ZP3: variants seen among roughly 807,000 people sequenced by gnomAD.
ZP3 encodes zona pellucida glycoprotein 3.
A neutral mutation model predicts 35.6 loss-of-function variants in ZP3; 21 were observed. That is an observed-to-expected ratio of 0.59 (90% CI 0.42 to 0.85). The LOEUF is 0.85. Ranked by LOEUF, ZP3 falls within the 40% of genes least tolerant of loss-of-function variation. The pLI is 0.00. For synonymous variants in ZP3, 207 were observed against 214.5 expected, an observed-to-expected ratio of 0.96 and a Z score of 0.31; for missense variants, 437 against 536.5, an observed-to-expected ratio of 0.81 and a Z score of 1.83.
rs117825978 is a variant in ZP3, at chr7:76,412,023, A to G, written c.-66-13029A>G. Among the ~76,000 whole-genome samples, 18 of 151,968 alleles carry G rather than the reference A, an allele frequency of 1.2e-4. No homozygotes were observed. The East Asian group carries it at 2.5e-3, about 21-fold the overall frequency. On this transcript the variant is annotated intron_variant, in intron 1 of 8. Transcript: ENST00000336517. ...TCCTGGGAAACACAGTGAGACTCCAACTCTACAAAAATAAAATAATTAGCC... is the reference window on the plus strand; with the variant it reads ...TCCTGGGAAACACAGTGAGACTCCAGCTCTACAAAAATAAAATAATTAGCC...
intron 1 of ZP3, among the ~76,000 whole-genome samples, chr7:76,413,679 T>A (rs897293298): frequency 6.6e-6 from 1 of 152,214 alleles, no homozygotes; most frequent in African/African-American, 2.4e-5. Flanking sequence ...TTTATTCATT[T>A]ATTTTTTGAG....
chr7:76,423,407 A>G (rs1257284500), upstream of ZP3, among the ~76,000 whole-genome samples: 1 of 152,164 alleles, frequency 6.6e-6, no homozygotes, highest in Non-Finnish European at 1.5e-5. Flanking sequence ...TGCCATGGTT[A>G]TCTTGAGTTA....
At chr7:76,406,645 A>G (rs2115815769) in intron 1 of ZP3, among the ~76,000 whole-genome samples, 1 of 151,782 alleles carries the variant, frequency 6.6e-6, no homozygotes, top group South Asian at 2.1e-4. Flanking sequence ...CACCACACCC[A>G]GCTAATTATT....
intron 1 of ZP3, among the ~76,000 whole-genome samples, chr7:76,417,156 C>A (rs1238132207): frequency 6.6e-6 from 1 of 151,804 alleles, no homozygotes; most frequent in African/African-American, 2.4e-5. Context: ...CTCCCAGGTT[C>A]ACGCGATTCT....
At chr7:76,430,050 C>T (rs1031982385) in intron 2 of ZP3, among the ~76,000 whole-genome samples, 1 of 151,834 alleles carries the variant, frequency 6.6e-6, no homozygotes, top group African/African-American at 2.4e-5. Flanking sequence ...GGTGAAACCC[C>T]ATCTCTACTA....
upstream of ZP3, among the ~76,000 whole-genome samples, chr7:76,424,201 C>T (rs572662259): frequency 6.6e-6 from 1 of 152,324 alleles, no homozygotes; most frequent in African/African-American, 2.4e-5. Context: ...CCTTGCCGGG[C>T]TGCGAGCTTC....
chr7:76,405,478 G>A (rs1804996274), intron 1 of ZP3, among the ~76,000 whole-genome samples: 2 of 148,876 alleles, frequency 1.3e-5, no homozygotes, highest in South Asian at 4.2e-4. Context: ...CACCGTGCCA[G>A]CCCAGAACAT....
At chr7:76,404,500 G>A (rs1804936554) in intron 1 of ZP3, 1 of 1,611,874 alleles carries the variant, frequency 6.2e-7, no homozygotes, top group African/African-American at 1.3e-5. Flanking sequence ...GTCACAGTTG[G>A]AACATCTGAA....
intron 1 of ZP3, among the ~76,000 whole-genome samples, chr7:76,403,368 C>T (rs1336663598): frequency 4.0e-5 from 5 of 124,232 alleles, no homozygotes; most frequent in Non-Finnish European, 9.4e-5. Context: ...GACAGAGTCT[C>T]GCCCTGTCAC....
chr7:76,397,592 A>G, exon 1 of ZP3: 1 of 1,611,286 alleles, frequency 6.2e-7, no homozygotes, highest in Non-Finnish European at 8.5e-7. Context: ...GCAGGCTGCC[A>G]GGCGGGGCTC....
rs1563692978 is a variant in ZP3 at position 76,416,966 on chromosome 7, AT to A, written c.-66-8085del. 3.0e-3 allele frequency among the ~76,000 whole-genome samples: 370 copies of A among 124,510 alleles called. 8 individuals carry two copies. The highest frequency in any genetic ancestry group is 3.1e-3 in the East Asian group (12 of 3,900). The allele number at this position is 124,510 out of a possible 152,430, so 81.7% of individuals were successfully genotyped here. On this transcript the variant is annotated intron_variant, in intron 1 of 8. Transcript: ENST00000336517. Reference sequence around the variant, plus strand: ...CATACATATATATATATATATATATATATATATAATTTGGCATTTAATGATG... The same window carrying A: ...CATACATATATATATATATATATATAATATATAATTTGGCATTTAATGATG...
chr7:76,436,596 G>C (rs1177097339), intron 5 of ZP3, among the ~76,000 whole-genome samples: 1 of 152,214 alleles, frequency 6.6e-6, no homozygotes, highest in Non-Finnish European at 1.5e-5. Context: ...CAGATCAGTA[G>C]GGTAGCAAAA....
At chr7:76,419,429 A>G (rs978495789) in intron 1 of ZP3, among the ~76,000 whole-genome samples, 1 of 152,108 alleles carries the variant, frequency 6.6e-6, no homozygotes, top group Non-Finnish European at 1.5e-5. Context: ...TGAAGAGTCC[A>G]TCTGTTTCCT....
intron 5 of ZP3, among the ~76,000 whole-genome samples, chr7:76,436,376 A>G (rs1806014002): frequency 6.6e-6 from 1 of 151,970 alleles, no homozygotes; most frequent in South Asian, 2.1e-4. Context: ...TCCTCCATCT[A>G]CTGACCTACC....
upstream of ZP3, among the ~76,000 whole-genome samples, chr7:76,422,220 T>C (rs1805519777): frequency 6.6e-6 from 1 of 151,820 alleles, no homozygotes; most frequent in African/African-American, 2.4e-5. Flanking sequence ...TCATGGCCTC[T>C]TTTTCCCACA....
intron 1 of ZP3, among the ~76,000 whole-genome samples, chr7:76,398,414 C>T (rs1357914687): frequency 2.0e-5 from 3 of 151,800 alleles, no homozygotes; most frequent in Non-Finnish European, 4.4e-5. Flanking sequence ...AAGTGATCCC[C>T]CTGCCTCAGC....
At chr7:76,397,581 G>T in exon 1 of ZP3, 1 of 1,609,944 alleles carries the variant, frequency 6.2e-7, no homozygotes, top group Non-Finnish European at 8.5e-7. Flanking sequence ...CCCAGGCTCT[G>T]GCAGGCTGCC....
chr7:76,413,799 T>C (rs563939961), intron 1 of ZP3, among the ~76,000 whole-genome samples: 103 of 152,164 alleles, frequency 6.8e-4, no homozygotes, highest in Non-Finnish European at 3.1e-4. Context: ...CCCGAGTAGC[T>C]GGGACTACAG....
At chr7:76,435,732 A>AT (rs71521128) in intron 5 of ZP3, among the ~76,000 whole-genome samples, 18,571 of 133,616 alleles carry the variant, frequency 0.14, 111 homozygotes, top group Middle Eastern at 0.2. Flanking sequence ...TACCACCAGC[A>AT]TTTTTTTTTT....
Sources: gnomAD v4.1 joint callset for allele counts (sites outside exome capture counted in the v4.1 genomes callset) on GRCh38, gnomAD v4.1.1 for gene constraint, MANE v1.5 for transcripts, NCBI Gene and HGNC (gene_info 2026-07-23, HGNC 2026-07-21) for gene names.